Variants in DAB1 observed in about 807,000 individuals in gnomAD.
DAB1 encodes the protein DAB adaptor protein 1, also known as disabled homolog 1.
Under a neutral mutation model 64.6 loss-of-function variants are expected in DAB1, and 15 were observed. The observed-to-expected ratio is 0.23, with a 90% CI of 0.16 to 0.36. DAB1 has a LOEUF of 0.36. Among genes scored for constraint, DAB1 ranks in the 10% least tolerant of loss-of-function variants. The pLI is 1.00. For synonymous variants in DAB1, 235 were observed against 251.9 expected, an observed-to-expected ratio of 0.93 and a Z score of 0.64; for missense variants, 596 against 706.7, an observed-to-expected ratio of 0.84 and a Z score of 1.78.
chr1:58,133,954 A>T (rs1653793254), intron 5 of DAB1, among the ~76,000 whole-genome samples: 1 of 152,070 alleles, frequency 6.6e-6, no homozygotes, highest in South Asian at 2.1e-4. Context: ...GGCACACAGG[A>T]CCTGTATCCT....
intron 6 of DAB1, among the ~76,000 whole-genome samples, chr1:57,665,781 A>G (rs1646438950): frequency 6.6e-6 from 1 of 151,978 alleles, no homozygotes; most frequent in South Asian, 2.1e-4. Flanking sequence ...CATATTCACA[A>G]ATAAATACAT....
At chr1:57,569,055 G>A (rs1187844474) in intron 7 of DAB1, among the ~76,000 whole-genome samples, 2 of 151,162 alleles carry the variant, frequency 1.3e-5, no homozygotes, top group African/African-American at 4.8e-5. Flanking sequence ...TCAGGAGATC[G>A]AGACCATCCT....
chr1:57,831,355 G>A (rs532512963), intron 1 of DAB1, among the ~76,000 whole-genome samples: 15 of 152,110 alleles, frequency 9.9e-5, no homozygotes, highest in African/African-American at 3.6e-4. Context: ...TATATCTGGA[G>A]GGTACTTCCA....
Position 57,329,257 on chromosome 1 carries a change from C to A in DAB1, c.-136-38091G>T, listed in dbSNP as rs117594684. ...CGCAAGAGGAGCGGATCCCAGGCAG[C>A]CTGCTTTCCAGCCTCATCCTCCTTC... On this transcript the variant is annotated intron_variant, in intron 1 of 14. Transcript: ENST00000371236. 3.6e-4 allele frequency among the ~76,000 whole-genome samples: 55 copies of A among 152,272 alleles called. No individual in the cohort carries two copies. In the East Asian group the frequency reaches 0.01, roughly 28 times the overall value.
chr1:57,207,126 G>C (rs926901373), intron 2 of DAB1, among the ~76,000 whole-genome samples: 1 of 151,494 alleles, frequency 6.6e-6, no homozygotes, highest in Non-Finnish European at 1.5e-5. Context: ...GTGCCACTGT[G>C]CCTGGCTAAT....
At chr1:58,384,521 C>G (rs149100726) in intron 3 of DAB1, among the ~76,000 whole-genome samples, 4 of 152,210 alleles carry the variant, frequency 2.6e-5, no homozygotes, top group East Asian at 1.9e-4. Flanking sequence ...AGTCAGGGTT[C>G]TCTAGAGGGA....
At chr1:57,453,960 G>A (rs566250362) in intron 7 of DAB1, among the ~76,000 whole-genome samples, 65 of 152,114 alleles carry the variant, frequency 4.3e-4, no homozygotes, top group Non-Finnish European at 8.1e-4. Context: ...TTGAATCCCT[G>A]TTGAAGCAAC....
At chr1:57,706,191 AT>A (rs1474330400) in intron 6 of DAB1, among the ~76,000 whole-genome samples, 1 of 152,024 alleles carries the variant, frequency 6.6e-6, no homozygotes, top group Non-Finnish European at 1.5e-5. Flanking sequence ...AAATAAATCC[AT>A]TTTTTAAAAA....
At position 57,187,244 on chromosome 1, in the gene DAB1, C is replaced by G. The variant is rs61767511; in HGVS notation, c.68-41815G>C. On this transcript the variant is annotated intron_variant, in intron 2 of 14. Transcript: ENST00000371236. ...AGGAAGCTCGGATCCAAATCTGTAA[C>G]TCACACCAAACAACCAATAGGATCT... Among the ~76,000 whole-genome samples the G allele has an allele frequency of 8.4e-3, 1,282 of 152,304 alleles. 35 individuals are homozygous for G. The East Asian group carries it at 0.091, about 11-fold the overall frequency.
chr1:58,291,437 A>G (rs1661833502), intron 4 of DAB1, among the ~76,000 whole-genome samples: 1 of 152,204 alleles, frequency 6.6e-6, no homozygotes, highest in South Asian at 2.1e-4. Context: ...CTTGATTTAT[A>G]CTAAAGTGTA....
chr1:58,037,132 C>T (rs961108912), intron 5 of DAB1, among the ~76,000 whole-genome samples: 2 of 152,140 alleles, frequency 1.3e-5, no homozygotes, highest in African/African-American at 4.8e-5. Context: ...TATTGTCTCT[C>T]CCCCAAAGGC....
intron 2 of DAB1, among the ~76,000 whole-genome samples, chr1:57,259,205 G>A (rs1392584023): frequency 6.6e-6 from 1 of 152,076 alleles, no homozygotes; most frequent in African/African-American, 2.4e-5. Flanking sequence ...GACCTCTTTG[G>A]GTCATTCAGC....
At chr1:57,738,039 C>T (rs1488988710) in intron 6 of DAB1, among the ~76,000 whole-genome samples, 1 of 152,194 alleles carries the variant, frequency 6.6e-6, no homozygotes, top group African/African-American at 2.4e-5. Flanking sequence ...ATTACCTCAC[C>T]TCCTTGCCTT....
chr1:57,080,536 A>G (rs1652400763), intron 4 of DAB1, among the ~76,000 whole-genome samples: 1 of 152,194 alleles, frequency 6.6e-6, no homozygotes, highest in South Asian at 2.1e-4. Context: ...AACATATGCT[A>G]TACACACACC....
intron 7 of DAB1, among the ~76,000 whole-genome samples, chr1:57,623,662 G>A (rs1645888476): frequency 6.6e-6 from 1 of 152,082 alleles, no homozygotes; most frequent in South Asian, 2.1e-4. Context: ...AATAAACAAG[G>A]CCTGCAGACA....
At chr1:57,995,848 C>T (rs1387014219) in intron 5 of DAB1, among the ~76,000 whole-genome samples, 2 of 151,842 alleles carry the variant, frequency 1.3e-5, no homozygotes, top group African/African-American at 4.8e-5. Context: ...TACAGAAGCC[C>T]CACAGACCAA....
At chr1:57,344,571 C>T (rs773242532) in intron 1 of DAB1, among the ~76,000 whole-genome samples, 4 of 151,966 alleles carry the variant, frequency 2.6e-5, no homozygotes, top group Non-Finnish European at 5.9e-5. Flanking sequence ...AATGAAAAGG[C>T]TCCCACAGTC....
At chr1:57,964,226 C>T (rs1344810473) in intron 5 of DAB1, among the ~76,000 whole-genome samples, 1 of 152,182 alleles carries the variant, frequency 6.6e-6, no homozygotes, top group Non-Finnish European at 1.5e-5. Flanking sequence ...AGTTTTACTC[C>T]ACTCAAACCT....
At chr1:58,004,597 C>T (rs1190662610) in intron 5 of DAB1, among the ~76,000 whole-genome samples, 1 of 152,142 alleles carries the variant, frequency 6.6e-6, no homozygotes, top group Admixed American at 6.5e-5. Context: ...TGTTGCTTAA[C>T]CTCTGAGCCT....
Sources: allele counts gnomAD v4.1 joint callset (sites outside exome capture counted in the v4.1 genomes callset), GRCh38; gene constraint gnomAD v4.1.1; transcripts MANE v1.5; gene names NCBI Gene and HGNC (gene_info 2026-07-23, HGNC 2026-07-21).